Variants in JARID2 observed in about 807,000 individuals in gnomAD.
The protein encoded by JARID2 is protein Jumonji.
Under a neutral mutation model 125.6 loss-of-function variants are expected in JARID2, and 21 were observed. The observed-to-expected ratio is 0.17, with a 90% CI of 0.12 to 0.24. JARID2 has a LOEUF of 0.24. Ranked by LOEUF, JARID2 falls within the 10% of genes least tolerant of loss-of-function variation. The pLI is 1.00. For synonymous variants in JARID2, 736 were observed against 661.6 expected (o/e 1.11, Z -1.73); for missense variants, 1,303 against 1,639.6 (o/e 0.79, Z 3.55).
At chr6:15,454,415 A>AG (rs1768060194) in intron 4 of JARID2, among the ~76,000 whole-genome samples, 1 of 152,222 alleles carries the variant, frequency 6.6e-6, no homozygotes. Flanking sequence ...CCTTGAAAAC[A>AG]GGGAGATACG....
chr6:15,267,619 T>A (rs1340847170), intron 1 of JARID2, among the ~76,000 whole-genome samples: 1 of 152,162 alleles, frequency 6.6e-6, no homozygotes, highest in African/African-American at 2.4e-5. Context: ...ATTAACTCCT[T>A]ATGAAGGATA....
intron 3 of JARID2, among the ~76,000 whole-genome samples, chr6:15,433,147 A>G (rs1269431816): frequency 6.6e-6 from 1 of 152,180 alleles, no homozygotes; most frequent in Non-Finnish European, 1.5e-5. Context: ...CCCTTAAATA[A>G]TAAGCACCCA....
intron 1 of JARID2, among the ~76,000 whole-genome samples, chr6:15,291,503 C>T (rs149315418): frequency 5.3e-5 from 8 of 152,268 alleles, no homozygotes; most frequent in Admixed American, 1.3e-4. Context: ...CTTGAAGGAG[C>T]GCTTAAATGA....
intron 3 of JARID2, among the ~76,000 whole-genome samples, chr6:15,432,120 T>C (rs1766991725): frequency 1.3e-5 from 2 of 151,022 alleles, no homozygotes; most frequent in South Asian, 4.2e-4. Context: ...AAAACACAGA[T>C]TTATTGAAAC....
In JARID2 at chr6:15,351,500, G is replaced by A. The variant is rs58685580; in HGVS notation, c.46-22617G>A. Among the ~76,000 whole-genome samples, 504 of 152,296 alleles carry A rather than the reference G, an allele frequency of 3.3e-3. 1 individual carries two copies. Among genetic ancestry groups the A allele is most frequent in the African/African-American group, 0.011 (477 of 41,558 alleles). On this transcript the variant is annotated intron_variant, in intron 1 of 17. Transcript: ENST00000341776. Reference sequence around the variant, plus strand: ...CTCTGCTCCAGAGGGGTTCAAATGAGCAGATCTTTCTGGGTCCCACTTTCC... The same window carrying A: ...CTCTGCTCCAGAGGGGTTCAAATGAACAGATCTTTCTGGGTCCCACTTTCC...
chr6:15,291,875 A>G (rs1296453377), intron 1 of JARID2, among the ~76,000 whole-genome samples: 13 of 151,866 alleles, frequency 8.6e-5, no homozygotes, highest in South Asian at 2.1e-4. Context: ...TTGTTTTTCT[A>G]TTTTTTTACT....
intron 4 of JARID2, among the ~76,000 whole-genome samples, chr6:15,464,505 T>G (rs1056935429): frequency 5.9e-5 from 9 of 152,170 alleles, no homozygotes; most frequent in African/African-American, 2.2e-4. Flanking sequence ...GCCGTGGCCC[T>G]TGGAGGATGA....
chr6:15,473,514 G>GCGCCCCCCCC (rs1561887593), intron 5 of JARID2, among the ~76,000 whole-genome samples: 1 of 35,000 alleles, frequency 2.9e-5, no homozygotes, highest in Non-Finnish European at 7.4e-5. Flanking sequence ...TGATGTGCGT[G>GCGCCCCCCCC]CCCCCCCCCC....
At chr6:15,282,818 T>G (rs1193800795) in intron 1 of JARID2, among the ~76,000 whole-genome samples, 2 of 151,828 alleles carry the variant, frequency 1.3e-5, no homozygotes, top group African/African-American at 4.8e-5. Context: ...TCAGGCTGGT[T>G]TTGAACTCCC....
At chr6:15,295,122 T>C (rs1761362377) in intron 1 of JARID2, among the ~76,000 whole-genome samples, 1 of 143,884 alleles carries the variant, frequency 7.0e-6, no homozygotes, top group Non-Finnish European at 1.5e-5. Flanking sequence ...TTTTTTTCTT[T>C]CTTTTTTTTT....
At chr6:15,423,937 C>G (rs1184846548) in intron 3 of JARID2, among the ~76,000 whole-genome samples, 1 of 152,114 alleles carries the variant, frequency 6.6e-6, no homozygotes, top group Non-Finnish European at 1.5e-5. Flanking sequence ...CCCAAGACAC[C>G]TCCTCTCCCG....
At chr6:15,323,227 C>T (rs1762417029) in intron 1 of JARID2, among the ~76,000 whole-genome samples, 1 of 152,258 alleles carries the variant, frequency 6.6e-6, no homozygotes, top group Admixed American at 6.5e-5. Context: ...GCATTTCTCC[C>T]TGATTGCCTT....
At chr6:15,317,334 GA>G (rs1762213356) in intron 1 of JARID2, among the ~76,000 whole-genome samples, 1 of 152,244 alleles carries the variant, frequency 6.6e-6, no homozygotes, top group African/African-American at 2.4e-5. Context: ...ATAATAGTTT[GA>G]TTTCCTGAGG....
chr6:15,486,186 A>T (rs562497039), intron 5 of JARID2, among the ~76,000 whole-genome samples: 1 of 152,368 alleles, frequency 6.6e-6, no homozygotes, highest in Non-Finnish European at 1.5e-5. Flanking sequence ...TTCCCTGAAG[A>T]AACAGGCCCT....
intron 8 of JARID2, among the ~76,000 whole-genome samples, chr6:15,501,917 C>T (rs1303988093): frequency 6.6e-6 from 1 of 152,212 alleles, no homozygotes; most frequent in East Asian, 1.9e-4. Context: ...TCGACAGCTG[C>T]CCAGATCCAG....
chr6:15,419,639 A>G (rs546980513), intron 3 of JARID2, among the ~76,000 whole-genome samples: 21 of 152,318 alleles, frequency 1.4e-4, no homozygotes, highest in African/African-American at 5.1e-4. Flanking sequence ...CATTTCTTAT[A>G]GATATTTTTG....
At chr6:15,511,816 G>A (rs913426752) in intron 13 of JARID2, among the ~76,000 whole-genome samples, 10 of 152,268 alleles carry the variant, frequency 6.6e-5, no homozygotes, top group Admixed American at 1.3e-4. Context: ...TGACCCTGCC[G>A]GTCCCGCCTG....
At chr6:15,469,212 A>G (rs572695261) in intron 5 of JARID2, among the ~76,000 whole-genome samples, 1 of 150,388 alleles carries the variant, frequency 6.6e-6, no homozygotes, top group South Asian at 2.1e-4. Context: ...CAGCAAAGAA[A>G]CTCATCTTAT....
At chr6:15,293,232 G>C (rs749237464) in intron 1 of JARID2, among the ~76,000 whole-genome samples, 7 of 152,196 alleles carry the variant, frequency 4.6e-5, no homozygotes, top group Non-Finnish European at 8.8e-5. Flanking sequence ...CTTACAGTAT[G>C]GTCAGTGAAC....
Sources: gnomAD v4.1 joint callset for allele counts (sites outside exome capture counted in the v4.1 genomes callset) on GRCh38, gnomAD v4.1.1 for gene constraint, MANE v1.5 for transcripts, NCBI Gene and HGNC (gene_info 2026-07-23, HGNC 2026-07-21) for gene names.